Variants in IRF4 observed in about 807,000 individuals in gnomAD.
The protein encoded by IRF4 is lymphocyte-specific interferon regulatory factor.
A neutral mutation model predicts 55.5 loss-of-function variants in IRF4; 13 were observed. That is an observed-to-expected ratio of 0.23 (90% CI 0.15 to 0.37). The LOEUF is 0.37. IRF4 is among the 10% of genes least tolerant of loss of function. IRF4 has a pLI of 1.00. For missense variants in IRF4, 397 were observed against 593.8 expected, an observed-to-expected ratio of 0.67 and a Z score of 3.44; for synonymous variants, 249 against 240.7, an observed-to-expected ratio of 1.03 and a Z score of -0.32.
In IRF4 at chr6:409,975, T is replaced by C. The variant is rs1761652940; in HGVS notation, c.*2377T>C. 4.4e-6 allele frequency: 1 copy of C among 229,364 alleles called. No individual in the cohort carries two copies. Among genetic ancestry groups the C allele is most frequent in the African/African-American group, 2.2e-5 (1 of 45,134 alleles). The allele number at this position is 229,364 out of a possible 1,614,324, so 14.2% of individuals were successfully genotyped here. On this transcript the variant is annotated 3_prime_UTR_variant, in exon 9 of 9. Coordinates refer to ENST00000380956, the MANE Select transcript of IRF4 (RefSeq NM_002460.4). ...GGGGCCACTACCTCCTTTCCTATCT[T>C]TACATCTATGTGTATGTTGACTTTT... is the stretch of plus-strand genomic sequence containing the variant.
At chr6:401,330 G>A (rs989625778) in intron 6 of IRF4, 94 bp from the exon 7 acceptor site, 44 of 925,168 alleles carry the variant, frequency 4.8e-5, no homozygotes, top group Non-Finnish European at 6.9e-5. Context: ...TGGGACACTA[G>A]AGTTCCACCA....
rs1761596595 is a variant in IRF4 at position 408,035 on chromosome 6, A to G, written c.*437A>G. On this transcript the variant is annotated 3_prime_UTR_variant, in exon 9 of 9. Transcript: ENST00000380956. ...CTGTAGACTGCCATCATTGATGATCACTGTGAAAATTGACCAAGTGATGTG... is the reference window on the plus strand; with the variant it reads ...CTGTAGACTGCCATCATTGATGATCGCTGTGAAAATTGACCAAGTGATGTG... 1.5e-5 allele frequency: 4 copies of G among 264,782 alleles called. No homozygotes were observed. Among genetic ancestry groups the G allele is most frequent in the Non-Finnish European group, 2.2e-5 (3 of 139,326 alleles). 16.4% of individuals were successfully genotyped at this position (264,782 alleles called of 1,614,324 possible).
chr6:397,316 G>A (rs1057083733), intron 5 of IRF4, 64 bp downstream of exon 5: 49 of 1,571,150 alleles, frequency 3.1e-5, no homozygotes, highest in Non-Finnish European at 3.9e-5. Context: ...GGGCCATGGC[G>A]AATCCTGGTC....
At chr6:399,739 G>T (rs11966268) in intron 6 of IRF4, among the ~76,000 whole-genome samples, 1,723 of 152,270 alleles carry the variant, frequency 0.011, 31 homozygotes, top group African/African-American at 0.04. Flanking sequence ...AAATTCTGAA[G>T]GTTTCAGGGA....
intron 6 of IRF4, among the ~76,000 whole-genome samples, chr6:400,529 C>G (rs1458315773): frequency 6.6e-6 from 1 of 152,152 alleles, no homozygotes; most frequent in Non-Finnish European, 1.5e-5. Context: ...TTTACATGAA[C>G]TTTTAGAGTA....
rs777556676 is a variant in IRF4 at position 401,599 on chromosome 6, G to C, written c.921G>C (p.Leu307=). 6.2e-7 allele frequency: 1 copy of C among 1,614,160 alleles called. No individual in the cohort carries two copies. Among genetic ancestry groups the C allele is most frequent in the South Asian group, 1.1e-5 (1 of 91,086 alleles). The change falls in exon 7 of 9, where the codon CTG becomes CTC. Residue 307 remains leucine, a synonymous_variant. Coordinates refer to ENST00000380956, the MANE Select transcript of IRF4 (RefSeq NM_002460.4). ...DNGQRKNIEK[L]LSHLERGVVL... ...GCCAGAGGAAAAACATTGAGAAGCT[G>C]CTGAGCCACCTGGAGAGGGGCGTGG...
intron 8 of IRF4, chr6:406,799 A>T (rs894643323): frequency 1.1e-5 from 14 of 1,221,060 alleles, no homozygotes; most frequent in Admixed American, 9.1e-5. Context: ...CGTCATATAT[A>T]AAATACAGTC....
intron 3 of IRF4, among the ~76,000 whole-genome samples, chr6:395,243 G>T (rs532831581): frequency 6.6e-6 from 1 of 151,404 alleles, no homozygotes; most frequent in Admixed American, 6.6e-5. Flanking sequence ...GTATATGGGG[G>T]GGGGTGCATT....
intron 8 of IRF4, 133 bp downstream of exon 8, chr6:405,263 T>A: frequency 1.6e-6 from 1 of 622,976 alleles, no homozygotes; most frequent in Non-Finnish European, 2.8e-6. Flanking sequence ...CTTAAACTAG[T>A]GAGGGAGGAA....
At chr6:400,317 C>T (rs1010543117) in intron 6 of IRF4, among the ~76,000 whole-genome samples, 1 of 152,202 alleles carries the variant, frequency 6.6e-6, no homozygotes, top group African/African-American at 2.4e-5. Flanking sequence ...TGCCTCCTGT[C>T]TGTGCCACTC....
At chr6:398,769 C>A in intron 5 of IRF4, 59 bp from the exon 6 acceptor site, 1 of 1,261,068 alleles carries the variant, frequency 7.9e-7, no homozygotes, top group Non-Finnish European at 1.1e-6. Context: ...CCCCAGGAAG[C>A]CCCGCGGTGC....
intron 7 of IRF4, among the ~76,000 whole-genome samples, chr6:403,608 C>G (rs1761465210): frequency 6.6e-6 from 1 of 152,320 alleles, no homozygotes; most frequent in Non-Finnish European, 1.5e-5. Context: ...ACTTGCGCGA[C>G]TAGAACTTAC....
chr6:392,967 C>A, intron 1 of IRF4, 131 bp from the exon 2 acceptor site: 1 of 563,416 alleles, frequency 1.8e-6, no homozygotes, highest in Non-Finnish European at 3.0e-6. Flanking sequence ...GCCCGGACGA[C>A]CCTGACACGG....
intron 6 of IRF4, among the ~76,000 whole-genome samples, chr6:400,837 T>C (rs1284586770): frequency 4.6e-5 from 7 of 152,198 alleles, no homozygotes; most frequent in Non-Finnish European, 2.9e-5. Context: ...ACCTAAATGA[T>C]GTCATGTTAT....
chr6:392,385 CCTCTCCCGCGCCCTCCCCGCCTCCG>C (rs1001378916), intron 1 of IRF4, among the ~76,000 whole-genome samples: 1 of 152,076 alleles, frequency 6.6e-6, no homozygotes, highest in Non-Finnish European at 1.5e-5. Flanking sequence ...CTGTCGTCGC[CCTCTCCCGCGCCCTCCCCGCCTCCG>C]CTCTCCCGGG....
intron 4 of IRF4, 121 bp downstream of exon 4, chr6:396,056 GC>G: frequency 1.4e-6 from 1 of 721,806 alleles, no homozygotes; most frequent in Non-Finnish European, 2.3e-6. Flanking sequence ...TGCTCCAACA[GC>G]CCAGAAAAAC....
chr6:403,380 G>A (rs1372989906), intron 7 of IRF4, among the ~76,000 whole-genome samples: 3 of 152,260 alleles, frequency 2.0e-5, no homozygotes, highest in Non-Finnish European at 4.4e-5. Flanking sequence ...GGACCTTGGT[G>A]CCAGTGGATT....
intron 2 of IRF4, 47 bp from the exon 3 acceptor site, chr6:394,774 C>G: frequency 6.5e-7 from 1 of 1,550,156 alleles, no homozygotes. Context: ...AGCTAATAAA[C>G]CAGACATGTA....
At position 393,936 on chromosome 6, in the gene IRF4, C is replaced by G. The variant is rs1004774232; in HGVS notation, c.216+568C>G. On this transcript the variant is annotated intron_variant, in intron 2 of 8. Coordinates refer to ENST00000380956, the MANE Select transcript of IRF4 (RefSeq NM_002460.4). The surrounding 1 kb of genome is among the most constrained non-coding windows in gnomAD (Gnocchi z 5.4). ...CCTCTGTCTTTCTCTTTGTGTGTCT[C>G]TGTCTCTCTCTTTCCCCCATCGCAG... Among the ~76,000 whole-genome samples, 1 of 152,168 alleles carries G rather than the reference C, an allele frequency of 6.6e-6. No individual in the cohort carries two copies. The highest frequency in any genetic ancestry group is 2.1e-4 in the South Asian group (1 of 4,826).
Sources: gnomAD v4.1 joint callset for allele counts (sites outside exome capture counted in the v4.1 genomes callset) on GRCh38, gnomAD v4.1.1 for gene constraint, Gnocchi (gnomAD v3.1) non-coding constraint, MANE v1.5 for transcripts, NCBI Gene and HGNC (gene_info 2026-07-23, HGNC 2026-07-21) for gene names.